The following KDM4C variants were observed in gnomAD, a reference collection of about 807,000 sequenced individuals.
The protein encoded by KDM4C is lysine demethylase 4C, also known as lysine-specific demethylase 4C.
A neutral mutation model predicts 129.3 loss-of-function variants in KDM4C; 81 were observed. That is an observed-to-expected ratio of 0.63 (90% confidence interval 0.52 to 0.75). KDM4C has a LOEUF of 0.75. KDM4C is among the 30% of genes least tolerant of loss of function. The probability of loss-of-function intolerance (pLI) is 0.00; values close to 1 mark genes in which losing one functional copy is unlikely to be tolerated. For synonymous variants in KDM4C, 573 were observed against 456.1 expected (o/e 1.26, Z -3.26); for missense variants, 1,457 against 1,304.0 (o/e 1.12, Z -1.81).
At chr9:7,116,956 A>G (rs1320620871) in intron 18 of KDM4C, among the ~76,000 whole-genome samples, 1 of 152,200 alleles carries the variant, frequency 6.6e-6, no homozygotes, top group East Asian at 1.9e-4. Flanking sequence ...AAAGTATAAT[A>G]ATAACTAACA....
At chr9:6,953,856 A>G (rs1443245752) in intron 8 of KDM4C, among the ~76,000 whole-genome samples, 1 of 152,180 alleles carries the variant, frequency 6.6e-6, no homozygotes, top group Non-Finnish European at 1.5e-5. Flanking sequence ...ATCATTACAT[A>G]TTCACTTCTT....
In KDM4C at chr9:7,077,604, C is replaced by A. The variant is rs148950997; in HGVS notation, c.2425-26081C>A. Among the ~76,000 whole-genome samples, 264 of 152,276 alleles carry A rather than the reference C, an allele frequency of 1.7e-3. 1 individual carries two copies. Among genetic ancestry groups the A allele is most frequent in the Admixed American group, 6.5e-3 (100 of 15,284 alleles). On this transcript the variant is annotated intron_variant, in intron 17 of 21. Coordinates refer to ENST00000381309, the MANE Select transcript of KDM4C (RefSeq NM_015061.6). Reference sequence around the variant, plus strand: ...CCACTAAGTGACAGAACTGCTCAACCATTTTGCTGGCTGTACTGCCTCTGG... The same window carrying A: ...CCACTAAGTGACAGAACTGCTCAACAATTTTGCTGGCTGTACTGCCTCTGG...
chr9:6,814,553 T>C, intron 3 of KDM4C, 78 bp from the exon 4 acceptor site: 1 of 844,908 alleles, frequency 1.2e-6, no homozygotes, highest in South Asian at 2.1e-5. Context: ...TTTTAGAAAG[T>C]GATTTAAATC....
At chr9:7,004,018 A>G (rs1305531945) in intron 12 of KDM4C, among the ~76,000 whole-genome samples, 1 of 152,102 alleles carries the variant, frequency 6.6e-6, no homozygotes, top group Non-Finnish European at 1.5e-5. Context: ...TGTGCTTTTC[A>G]TAGTAGAGAA....
rs990429952 is a variant in KDM4C, at chr9:7,078,114, T to C, written c.2425-25571T>C. 3.3e-5 allele frequency among the ~76,000 whole-genome samples: 5 copies of C among 152,330 alleles called. No individual in the cohort carries two copies. The South Asian group carries it at 1.0e-3, about 32-fold the overall frequency. ...ATTTATTTATTTATTTTTTAATGCA[T>C]TGGGAGAAGACTCAAGGAATATGCC... On this transcript the variant is annotated intron_variant, in intron 17 of 21. Transcript: ENST00000381309.
chr9:6,796,957 C>T (rs764096780), intron 2 of KDM4C, among the ~76,000 whole-genome samples: 10 of 151,764 alleles, frequency 6.6e-5, no homozygotes, highest in Non-Finnish European at 1.5e-4. Context: ...TCCTGGGGAA[C>T]CGAGCCACCC....
chr9:6,814,291 T>G (rs1358976228), intron 3 of KDM4C, among the ~76,000 whole-genome samples: 1 of 152,178 alleles, frequency 6.6e-6, no homozygotes, highest in Non-Finnish European at 1.5e-5. Flanking sequence ...CATTTTTATA[T>G]AAATATGTAA....
intron 19 of KDM4C, among the ~76,000 whole-genome samples, chr9:7,134,785 T>A (rs1431978225): frequency 6.6e-6 from 1 of 152,216 alleles, no homozygotes; most frequent in Non-Finnish European, 1.5e-5. Context: ...GAAGGCCATT[T>A]TAGAGGCATA....
At chr9:7,149,148 G>T (rs1257197205) in intron 19 of KDM4C, among the ~76,000 whole-genome samples, 1 of 152,214 alleles carries the variant, frequency 6.6e-6, no homozygotes, top group Non-Finnish European at 1.5e-5. Context: ...TCACTCCCGT[G>T]CTCCTCAGCA....
At chr9:6,770,870 G>A (rs1190148544) in intron 1 of KDM4C, among the ~76,000 whole-genome samples, 2 of 144,228 alleles carry the variant, frequency 1.4e-5, no homozygotes, top group Non-Finnish European at 3.0e-5. Flanking sequence ...CTGCCTCCCC[G>A]GTTCAAGTGA....
At chr9:7,104,795 C>G (rs902320824) in intron 18 of KDM4C, among the ~76,000 whole-genome samples, 2 of 152,216 alleles carry the variant, frequency 1.3e-5, no homozygotes, top group East Asian at 1.9e-4. Context: ...TCCTATGTCC[C>G]TAATAACCTC....
chr9:6,879,220 TTTA>T (rs1844064254), intron 5 of KDM4C, among the ~76,000 whole-genome samples: 1 of 152,310 alleles, frequency 6.6e-6, no homozygotes, highest in South Asian at 2.1e-4. Flanking sequence ...ATTATTCAAA[TTTA>T]TTGTTAATAT....
chr9:7,174,250 A>ACCTTGTTGGGCAAGAGC (rs58627414), intron 21 of KDM4C, among the ~76,000 whole-genome samples: 8 of 148,778 alleles, frequency 5.4e-5, no homozygotes, highest in South Asian at 2.1e-4. Context: ...TTTGTCAAAA[A>ACCTTGTTGGGCAAGAGC]CAGAGGGGAG....
At chr9:7,164,520 G>C (rs746871210) in intron 19 of KDM4C, among the ~76,000 whole-genome samples, 13 of 152,168 alleles carry the variant, frequency 8.5e-5, no homozygotes, top group Non-Finnish European at 1.0e-4. Context: ...AACAGGAGAT[G>C]CTGGCAGAAG....
intron 7 of KDM4C, among the ~76,000 whole-genome samples, chr9:6,889,408 C>G (rs1331929598): frequency 6.6e-6 from 1 of 152,098 alleles, no homozygotes; most frequent in East Asian, 1.9e-4. Flanking sequence ...CACTGGTTTA[C>G]TCGCACGTTT....
intron 18 of KDM4C, among the ~76,000 whole-genome samples, chr9:7,127,004 A>G (rs1367173667): frequency 6.6e-6 from 1 of 152,222 alleles, no homozygotes; most frequent in Non-Finnish European, 1.5e-5. Context: ...TCATCAGCCC[A>G]TAATGACAAT....
At chr9:7,094,339 TTTTTA>T (rs996654485) in intron 17 of KDM4C, among the ~76,000 whole-genome samples, 15 of 152,254 alleles carry the variant, frequency 9.9e-5, no homozygotes, top group African/African-American at 3.6e-4. Context: ...AATTTCTTTT[TTTTTA>T]TTTTATTTTA....
intron 17 of KDM4C, among the ~76,000 whole-genome samples, chr9:7,087,648 C>T (rs967436889): frequency 5.9e-5 from 9 of 151,980 alleles, no homozygotes; most frequent in African/African-American, 2.4e-5. Context: ...AGTTAAAATT[C>T]TGGAGGGAAA....
At chr9:7,097,646 C>G (rs1028411462) in intron 17 of KDM4C, among the ~76,000 whole-genome samples, 154 of 152,274 alleles carry the variant, frequency 1.0e-3, no homozygotes, top group Non-Finnish European at 1.3e-3. Context: ...GGTAGGTAAC[C>G]AGGTCAGGCT....
Sources: gnomAD v4.1 joint callset for allele counts (sites outside exome capture counted in the v4.1 genomes callset) on GRCh38, gnomAD v4.1.1 for gene constraint, MANE v1.5 for transcripts, NCBI Gene and HGNC (gene_info 2026-07-23, HGNC 2026-07-21) for gene names.